MCC: variants seen among roughly 807,000 people sequenced by gnomAD.
The protein encoded by MCC is colorectal mutant cancer protein.
Under a neutral mutation model 116.2 loss-of-function variants are expected in MCC, and 90 were observed. The observed-to-expected ratio is 0.77, with a 90% confidence interval of 0.65 to 0.92. The LOEUF is 0.92. MCC is among the 40% of genes least tolerant of loss of function. The pLI is 0.00. For synonymous variants in MCC, 578 were observed against 510.5 expected, an observed-to-expected ratio of 1.13 and a Z score of -1.78; for missense variants, 1,516 against 1,312.2, an observed-to-expected ratio of 1.16 and a Z score of -2.40.
At chr5:113,258,765 T>C (rs1765117071) in intron 3 of MCC, among the ~76,000 whole-genome samples, 1 of 152,232 alleles carries the variant, frequency 6.6e-6, no homozygotes, top group Non-Finnish European at 1.5e-5. Flanking sequence ...GCTTTACACC[T>C]ACCCTAAGTT....
chr5:113,069,709 G>C (rs962837375), intron 12 of MCC, among the ~76,000 whole-genome samples: 1 of 152,118 alleles, frequency 6.6e-6, no homozygotes, highest in Non-Finnish European at 1.5e-5. Context: ...AGCCTCCTGA[G>C]TAGCTGGGAC....
chr5:113,107,482 C>A (rs914388043), intron 6 of MCC, among the ~76,000 whole-genome samples: 2 of 152,048 alleles, frequency 1.3e-5, no homozygotes, highest in African/African-American at 4.8e-5. Flanking sequence ...TGGACCTCGA[C>A]CTGAGCTGCT....
chr5:113,137,188 TAG>T (rs1376469852), intron 5 of MCC, among the ~76,000 whole-genome samples: 1 of 152,086 alleles, frequency 6.6e-6, no homozygotes, highest in Non-Finnish European at 1.5e-5. Context: ...GGCAGCAGGA[TAG>T]AGTGTAAGCA....
intron 2 of MCC, among the ~76,000 whole-genome samples, chr5:113,341,725 C>T (rs1054702261): frequency 1.3e-5 from 2 of 152,134 alleles, no homozygotes; most frequent in Non-Finnish European, 2.9e-5. Context: ...ATGGTGGAGC[C>T]ACAAGGTAGA....
chr5:113,464,902 G>C (rs774975168), intron 1 of MCC, among the ~76,000 whole-genome samples: 1 of 151,960 alleles, frequency 6.6e-6, no homozygotes, highest in East Asian at 1.9e-4. Context: ...GATTGTATTA[G>C]GAAAACTTCA....
chr5:113,140,524 A>G (rs1387847096), intron 5 of MCC, among the ~76,000 whole-genome samples: 1 of 152,214 alleles, frequency 6.6e-6, no homozygotes, highest in African/African-American at 2.4e-5. Context: ...TTTTGGCTAC[A>G]TTAGCACTGT....
At chr5:113,398,040 C>T (rs927626052) in intron 1 of MCC, among the ~76,000 whole-genome samples, 2 of 152,190 alleles carry the variant, frequency 1.3e-5, no homozygotes, top group African/African-American at 2.4e-5. Context: ...TGAACAGACA[C>T]TTCTCAAAAG....
At chr5:113,154,191 GTGAC>G (rs1246164672) in intron 3 of MCC, among the ~76,000 whole-genome samples, 3 of 152,210 alleles carry the variant, frequency 2.0e-5, no homozygotes, top group Non-Finnish European at 2.9e-5. Flanking sequence ...ATAAAATAAA[GTGAC>G]TGTTTTCTGC....
At chr5:113,095,833 C>G (rs898971546) in intron 8 of MCC, among the ~76,000 whole-genome samples, 23 of 152,070 alleles carry the variant, frequency 1.5e-4, no homozygotes, top group Non-Finnish European at 7.3e-5. Flanking sequence ...GGAGTTCAGT[C>G]TGCAAATATT....
At chr5:113,334,222 T>TG (rs958883025) in intron 3 of MCC, among the ~76,000 whole-genome samples, 1 of 150,012 alleles carries the variant, frequency 6.7e-6, no homozygotes, top group Non-Finnish European at 1.5e-5. Flanking sequence ...ATACACTTTT[T>TG]GGGGGGATAG....
rs1432367459 is a variant in MCC, at chr5:113,434,111, G to A, written c.171-48899C>T. 3.1e-6 allele frequency: 5 copies of A among 1,614,216 alleles called. No homozygotes were observed. The highest frequency in any genetic ancestry group is 2.2e-5 in the East Asian group (1 of 44,882). On this transcript the variant is annotated intron_variant, in intron 1 of 18. Transcript: ENST00000408903. The surrounding 1 kb of genome is among the most constrained non-coding windows in gnomAD (Gnocchi z 4.2). ...TGTGGTAGATGAGGTCCTTGCACTCGCCTGTCAGGTGCTTGGAGCGTGGGA... is the reference window on the plus strand; with the variant it reads ...TGTGGTAGATGAGGTCCTTGCACTCACCTGTCAGGTGCTTGGAGCGTGGGA...
At chr5:113,061,827 A>G (rs2150228338) in intron 14 of MCC, among the ~76,000 whole-genome samples, 1 of 152,308 alleles carries the variant, frequency 6.6e-6, no homozygotes, top group African/African-American at 2.4e-5. Context: ...GGGCCACATA[A>G]AGCTCCAACT....
chr5:113,414,179 T>C (rs1353484049), intron 1 of MCC, among the ~76,000 whole-genome samples: 1 of 152,126 alleles, frequency 6.6e-6, no homozygotes, highest in African/African-American at 2.4e-5. Context: ...ACATATGCTT[T>C]ACTTCCAACT....
chr5:113,104,844 T>C (rs749512058), intron 6 of MCC, among the ~76,000 whole-genome samples: 8 of 152,234 alleles, frequency 5.3e-5, no homozygotes, highest in Admixed American at 2.0e-4. Flanking sequence ...AACTTTTCCA[T>C]GATAGAACCA....
intron 3 of MCC, among the ~76,000 whole-genome samples, chr5:113,255,179 A>G (rs1764960806): frequency 6.6e-6 from 1 of 152,170 alleles, no homozygotes; most frequent in Admixed American, 6.5e-5. Context: ...ACAAACAAAC[A>G]AACAAAAATA....
At position 113,469,574 on chromosome 5, in the gene MCC, A is replaced by C. The variant is rs574598738; in HGVS notation, c.170+18671T>G. On this transcript the variant is annotated intron_variant, in intron 1 of 18. Transcript: ENST00000408903. ...AGTTTGTTATAATTTCTGTTCTTTT[A>C]CATTTGCTGAGGAGTGCTTTACTTC... is the stretch of plus-strand genomic sequence containing the variant. Among the ~76,000 whole-genome samples, 11 of 152,254 alleles carry C rather than the reference A, an allele frequency of 7.2e-5. No homozygotes were observed. In the South Asian group the frequency reaches 2.1e-3, roughly 29 times the overall value.
chr5:113,086,104 A>G (rs1396856294), intron 8 of MCC, among the ~76,000 whole-genome samples: 1 of 152,230 alleles, frequency 6.6e-6, no homozygotes, highest in Non-Finnish European at 1.5e-5. Context: ...TCATCATTTC[A>G]GAGCCCAGAG....
intron 12 of MCC, among the ~76,000 whole-genome samples, chr5:113,070,437 C>T (rs539884425): frequency 2.2e-4 from 34 of 152,166 alleles, no homozygotes; most frequent in Non-Finnish European, 2.4e-4. Flanking sequence ...ACTTGCTCAC[C>T]AATGAGTGAA....
chr5:113,327,553 A>ATATATATATAT (rs1280568642), intron 3 of MCC, among the ~76,000 whole-genome samples: 1 of 81,380 alleles, frequency 1.2e-5, no homozygotes, highest in Non-Finnish European at 2.7e-5. Context: ...CTCAAAAAAA[A>ATATATATATAT]AAAAAAAAAT....
Sources: gnomAD v4.1 joint callset for allele counts (sites outside exome capture counted in the v4.1 genomes callset) on GRCh38, gnomAD v4.1.1 for gene constraint, Gnocchi (gnomAD v3.1) non-coding constraint, MANE v1.5 for transcripts, NCBI Gene and HGNC (gene_info 2026-07-23, HGNC 2026-07-21) for gene names.